PTPRM: variants seen among roughly 807,000 people sequenced by gnomAD.
PTPRM encodes protein tyrosine phosphatase receptor type M.
A neutral mutation model predicts 186.7 loss-of-function variants in PTPRM; 47 were observed. The observed-to-expected ratio is 0.25, with a 90% CI of 0.20 to 0.32. The LOEUF is 0.32. Ranked by LOEUF, PTPRM falls within the 10% of genes least tolerant of loss-of-function variation. The pLI, the probability that PTPRM is intolerant of heterozygous loss-of-function variation, is 1.00. For missense variants in PTPRM, 1,494 were observed against 1,865.0 expected, an observed-to-expected ratio of 0.80 and a Z score of 3.66; for synonymous variants, 668 against 674.9, an observed-to-expected ratio of 0.99 and a Z score of 0.16.
At position 8,120,412 on chromosome 18, in the gene PTPRM, C is replaced by T. The variant is rs145844431; in HGVS notation, c.2167+5585C>T. Among the ~76,000 whole-genome samples the T allele has an allele frequency of 2.0e-3, 296 of 151,360 alleles. 1 individual carries two copies. The highest frequency in any genetic ancestry group is 6.9e-3 in the Middle Eastern group (2 of 288). ...CCTGGCTGACTGACATAGCTATTTT[C>T]GAGTAACTTTTTGTTCATATTGTTT... On this transcript the variant is annotated intron_variant, in intron 13 of 32. Transcript: ENST00000580170.
In PTPRM at chr18:8,387,135, A is replaced by G; in HGVS notation, c.4108A>G (p.Thr1370Ala). ...CCTGGGCTGGCCGATGTACAGGGACACACCAGTGTCTAAGCGCTCCTTCTT... is the reference window on the plus strand; with the variant it reads ...CCTGGGCTGGCCGATGTACAGGGACGCACCAGTGTCTAAGCGCTCCTTCTT... ...QFLGWPMYRD[T>A]PVSKRSFLKL... The change falls in exon 31 of 33, where the codon ACA becomes GCA. Residue 1370 changes from threonine (T) to alanine (A), a missense_variant. Thr to Ala is a moderately conservative substitution (Grantham distance 58). Around this residue, in one of 3 missense-constraint regions of PTPRM, gnomAD observed 1,107 missense variants for 1,350.2 expected, o/e 0.82. Transcript: ENST00000580170. The G allele has an allele frequency of 6.2e-7, 1 of 1,612,330 alleles. No homozygotes were observed.
At chr18:7,944,534 C>T (rs1170207651) in intron 5 of PTPRM, among the ~76,000 whole-genome samples, 1 of 152,196 alleles carries the variant, frequency 6.6e-6, no homozygotes, top group Non-Finnish European at 1.5e-5. Flanking sequence ...TGTCATACTT[C>T]TTGTTGCAGT....
intron 20 of PTPRM, among the ~76,000 whole-genome samples, chr18:8,304,933 A>G (rs951143503): frequency 6.6e-6 from 1 of 152,022 alleles, no homozygotes; most frequent in African/African-American, 2.4e-5. Flanking sequence ...ACGTAAAATC[A>G]TAAAGATGAT....
At chr18:8,162,828 T>C (rs895004992) in intron 14 of PTPRM, among the ~76,000 whole-genome samples, 4 of 152,048 alleles carry the variant, frequency 2.6e-5, no homozygotes, top group African/African-American at 9.7e-5. Flanking sequence ...ATTTAAACAG[T>C]CTCCAGGGCC....
chr18:7,987,188 C>T (rs954036809), intron 7 of PTPRM, among the ~76,000 whole-genome samples: 3 of 152,168 alleles, frequency 2.0e-5, no homozygotes, highest in African/African-American at 7.2e-5. Context: ...CTTTAATTCT[C>T]TACTGCCCAC....
At chr18:8,331,613 A>G (rs1464730597) in intron 22 of PTPRM, among the ~76,000 whole-genome samples, 1 of 152,250 alleles carries the variant, frequency 6.6e-6, no homozygotes, top group Admixed American at 6.5e-5. Context: ...GCAGAGAAGC[A>G]GTTCAGGTTT....
At chr18:7,875,339 T>C (rs1231400158) in intron 2 of PTPRM, among the ~76,000 whole-genome samples, 1 of 151,884 alleles carries the variant, frequency 6.6e-6, no homozygotes, top group East Asian at 1.9e-4. Flanking sequence ...TTTTTTTTTT[T>C]TTGAGAAGGA....
intron 1 of PTPRM, among the ~76,000 whole-genome samples, chr18:7,637,052 CA>C (rs1374831925): frequency 6.6e-6 from 1 of 151,414 alleles, no homozygotes; most frequent in Non-Finnish European, 1.5e-5. Context: ...TCTGTAATCC[CA>C]GCTACTTGGG....
In PTPRM at chr18:8,163,005, C is replaced by T. The variant is rs181865206; in HGVS notation, c.2300+19226C>T. Among the ~76,000 whole-genome samples, 633 of 152,284 alleles carry T rather than the reference C, an allele frequency of 4.2e-3. 5 individuals are homozygous for T. The highest frequency in any genetic ancestry group is 0.014 in the African/African-American group (602 of 41,566). On this transcript the variant is annotated intron_variant, in intron 14 of 32. Transcript: ENST00000580170. ...CCGTCAGCCACACACCTGCCCTCAG[C>T]CAGCTCTAGCGCCTTCCTGCAACCA...
chr18:7,832,259 C>T (rs533250179), intron 2 of PTPRM, among the ~76,000 whole-genome samples: 3 of 152,328 alleles, frequency 2.0e-5, no homozygotes, highest in Non-Finnish European at 2.9e-5. Context: ...TATGAAGGTT[C>T]CCTTTTCTCC....
intron 14 of PTPRM, among the ~76,000 whole-genome samples, chr18:8,210,818 A>T (rs1439035871): frequency 6.6e-6 from 1 of 152,212 alleles, no homozygotes; most frequent in African/African-American, 2.4e-5. Flanking sequence ...TTGAGGAGGA[A>T]CTAGCAAAGC....
intron 1 of PTPRM, among the ~76,000 whole-genome samples, chr18:7,590,519 C>A (rs879846597): frequency 6.6e-6 from 1 of 152,108 alleles, no homozygotes; most frequent in African/African-American, 2.4e-5. Flanking sequence ...TACAAAGAAT[C>A]CCTGAAGGCG....
At chr18:8,383,500 G>A (rs2095752382) in intron 29 of PTPRM, among the ~76,000 whole-genome samples, 1 of 151,844 alleles carries the variant, frequency 6.6e-6, no homozygotes, top group Non-Finnish European at 1.5e-5. Flanking sequence ...ATTTTGTGGG[G>A]TGCTGGCTAA....
intron 7 of PTPRM, among the ~76,000 whole-genome samples, chr18:7,977,779 C>T (rs2055055673): frequency 9.2e-6 from 1 of 108,754 alleles, no homozygotes; most frequent in African/African-American, 3.8e-5. Flanking sequence ...GCATGCTTTG[C>T]TTTGTTGTTC....
intron 2 of PTPRM, among the ~76,000 whole-genome samples, chr18:7,849,601 T>G (rs1308071802): frequency 6.6e-6 from 1 of 152,242 alleles, no homozygotes; most frequent in African/African-American, 2.4e-5. Context: ...ATGAAATGAT[T>G]GGAATTGGGC....
intron 14 of PTPRM, among the ~76,000 whole-genome samples, chr18:8,240,651 G>GAGAGAA (rs1555813523): frequency 1.2e-4 from 4 of 33,846 alleles, no homozygotes; most frequent in South Asian, 7.2e-4. Context: ...GAGAGAGAGA[G>GAGAGAA]AGAAAGAAAG....
chr18:8,051,449 C>T (rs2087492549), intron 7 of PTPRM, among the ~76,000 whole-genome samples: 1 of 152,222 alleles, frequency 6.6e-6, no homozygotes, highest in Non-Finnish European at 1.5e-5. Flanking sequence ...ATCCCTGTGT[C>T]TCCAGAACAG....
At chr18:7,848,989 T>C (rs1741594627) in intron 2 of PTPRM, among the ~76,000 whole-genome samples, 1 of 152,210 alleles carries the variant, frequency 6.6e-6, no homozygotes, top group East Asian at 1.9e-4. Flanking sequence ...CTCTGAGCTT[T>C]GATTCTGATT....
intron 4 of PTPRM, 102 bp downstream of exon 4, chr18:7,906,685 C>A: frequency 2.1e-6 from 2 of 935,040 alleles, no homozygotes; most frequent in Non-Finnish European, 1.7e-6. Flanking sequence ...GTCATCTTGC[C>A]AAGACAGTTC....
Sources: gnomAD v4.1 joint callset for allele counts (sites outside exome capture counted in the v4.1 genomes callset) on GRCh38, gnomAD v4.1.1 for gene constraint, gnomAD v4.1.1 regional missense constraint, MANE v1.5 for transcripts, NCBI Gene and HGNC (gene_info 2026-07-23, HGNC 2026-07-21) for gene names.